Variants in CDKAL1 observed in about 807,000 individuals in gnomAD.
CDKAL1 encodes CDKAL1 threonylcarbamoyladenosine tRNA methylthiotransferase.
CDKAL1 carries 32 observed loss-of-function variants against 68.2 expected under a neutral mutation model. That is an observed-to-expected ratio of 0.47 (90% CI 0.35 to 0.63). CDKAL1 has a LOEUF of 0.63. Ranked by LOEUF, CDKAL1 falls within the 30% of genes least tolerant of loss-of-function variation. CDKAL1 has a pLI of 0.00. For missense variants in CDKAL1, 606 were observed against 696.7 expected (o/e 0.87, Z 1.47); for synonymous variants, 234 against 244.3 (o/e 0.96, Z 0.39).
rs753991642 is a variant in CDKAL1 at position 20,618,685 on chromosome 6, G to GT, written c.287-30598dup. Among the ~76,000 whole-genome samples, 1,433 of 147,214 alleles carry GT rather than the reference G, an allele frequency of 9.7e-3. 28 individuals are homozygous for GT. Among genetic ancestry groups the GT allele is most frequent in the African/African-American group, 0.032 (1,286 of 40,254 alleles). Reference sequence around the variant, plus strand: ...AGTTTTCATTTTATCAATTCTTTTCGTTTTTTTTTTGGATACAGGGTCTTG... The same window carrying GT: ...AGTTTTCATTTTATCAATTCTTTTCGTTTTTTTTTTTGGATACAGGGTCTTG... On this transcript the variant is annotated intron_variant, in intron 4 of 15. Coordinates refer to ENST00000274695, the MANE Select transcript of CDKAL1 (RefSeq NM_017774.3).
intron 5 of CDKAL1, among the ~76,000 whole-genome samples, chr6:20,722,011 G>T (rs192284240): frequency 6.6e-6 from 1 of 151,924 alleles, no homozygotes; most frequent in African/African-American, 2.4e-5. Context: ...GATTACAGGC[G>T]TGAGCCACCG....
chr6:20,586,978 GTTTTTTTTT>G (rs750210435), intron 4 of CDKAL1, among the ~76,000 whole-genome samples: 51 of 44,468 alleles, frequency 1.1e-3, no homozygotes, highest in African/African-American at 4.3e-3. Context: ...TCCTCCAGGT[GTTTTTTTTT>G]TTTTTTTTTT....
intron 10 of CDKAL1, among the ~76,000 whole-genome samples, chr6:20,996,614 A>G (rs1336406767): frequency 6.6e-6 from 1 of 152,236 alleles, no homozygotes; most frequent in Non-Finnish European, 1.5e-5. Flanking sequence ...ACCCCAAAAT[A>G]ATTACAAGAG....
intron 9 of CDKAL1, among the ~76,000 whole-genome samples, chr6:20,848,189 G>A (rs985263602): frequency 1.3e-5 from 2 of 152,186 alleles, no homozygotes; most frequent in African/African-American, 4.8e-5. Flanking sequence ...AGCAATCAGA[G>A]ATACTTTCAA....
At chr6:20,938,904 A>G (rs1763849801) in intron 9 of CDKAL1, among the ~76,000 whole-genome samples, 2 of 152,086 alleles carry the variant, frequency 1.3e-5, no homozygotes, top group East Asian at 3.9e-4. Context: ...TTTCTTTGTA[A>G]GCAAATCTGA....
chr6:20,833,187 C>G (rs772676846), intron 8 of CDKAL1, among the ~76,000 whole-genome samples: 15 of 152,148 alleles, frequency 9.9e-5, no homozygotes, highest in Non-Finnish European at 2.2e-4. Flanking sequence ...TAGCCACGCT[C>G]TATTCTAGAA....
rs969313847 is a variant in CDKAL1 at position 20,796,345 on chromosome 6, G to C, written c.638+15080G>C. On this transcript the variant is annotated intron_variant, in intron 8 of 15. Coordinates refer to ENST00000274695, the MANE Select transcript of CDKAL1 (RefSeq NM_017774.3). ...AATTTACAAAACAGAAGAAATCAAA[G>C]AAGATCTAAATAAATCATGCAATGT... 2.6e-5 allele frequency among the ~76,000 whole-genome samples: 4 copies of C among 151,848 alleles called. 1 individual carries two copies. The highest frequency in any genetic ancestry group is 4.4e-5 in the Non-Finnish European group (3 of 67,784).
chr6:20,634,346 G>A (rs1188453303), intron 4 of CDKAL1, among the ~76,000 whole-genome samples: 2 of 152,076 alleles, frequency 1.3e-5, no homozygotes, highest in Non-Finnish European at 2.9e-5. Flanking sequence ...TCTCAATAAC[G>A]ACTTATTTTC....
chr6:20,965,029 G>A lies in CDKAL1; in HGVS notation c.909+9444G>A, dbSNP rs1218976716. Among the ~76,000 whole-genome samples, 3 of 152,260 alleles carry A rather than the reference G, an allele frequency of 2.0e-5. No individual in the cohort carries two copies. The East Asian group carries it at 5.8e-4, about 29-fold the overall frequency. On this transcript the variant is annotated intron_variant, in intron 10 of 15. Transcript: ENST00000274695. ...ATCCTTTATAAATAAACTGATGTTT[G>A]GCCAGGTGCAGTGCCTCACACCTGT...
At chr6:20,827,824 C>T (rs1455613630) in intron 8 of CDKAL1, among the ~76,000 whole-genome samples, 5 of 151,798 alleles carry the variant, frequency 3.3e-5, no homozygotes, top group African/African-American at 7.3e-5. Flanking sequence ...TTAAGACTGT[C>T]GATATACTTC....
intron 4 of CDKAL1, among the ~76,000 whole-genome samples, chr6:20,645,755 A>AGT (rs1561993214): frequency 5.2e-5 from 7 of 135,872 alleles, no homozygotes; most frequent in African/African-American, 1.8e-4. Context: ...TAAATAAATA[A>AGT]AAATAAATAA....
chr6:20,985,652 G>A (rs1766412291), intron 10 of CDKAL1, among the ~76,000 whole-genome samples: 2 of 152,084 alleles, frequency 1.3e-5, no homozygotes, highest in African/African-American at 4.8e-5. Flanking sequence ...AGGCATGGTG[G>A]CTCACACCTG....
intron 5 of CDKAL1, among the ~76,000 whole-genome samples, chr6:20,672,987 G>C (rs112190195): frequency 0.011 from 1,696 of 152,194 alleles, 27 homozygotes; most frequent in African/African-American, 0.034. Flanking sequence ...ATGTTGGCCA[G>C]GCTGGTCTTG....
chr6:21,162,473 C>G (rs1776967238), intron 13 of CDKAL1, among the ~76,000 whole-genome samples: 1 of 152,290 alleles, frequency 6.6e-6, no homozygotes, highest in South Asian at 2.1e-4. Flanking sequence ...TGGTTTTGCC[C>G]AGAACCAGCT....
chr6:21,226,954 G>A (rs988102619), intron 15 of CDKAL1, among the ~76,000 whole-genome samples: 1 of 152,146 alleles, frequency 6.6e-6, no homozygotes, highest in Admixed American at 6.5e-5. Flanking sequence ...CTCGTGATCC[G>A]CCTCGGCCTC....
At chr6:21,023,464 C>G (rs950676101) in intron 11 of CDKAL1, among the ~76,000 whole-genome samples, 5 of 152,136 alleles carry the variant, frequency 3.3e-5, no homozygotes, top group Admixed American at 3.3e-4. Context: ...TGTGTTCTTT[C>G]TGTAAATTAG....
chr6:20,592,987 G>A (rs1423181427), intron 4 of CDKAL1, among the ~76,000 whole-genome samples: 5 of 152,176 alleles, frequency 3.3e-5, no homozygotes, highest in Non-Finnish European at 7.3e-5. Flanking sequence ...ATTTGCGTAT[G>A]TTGAACCAGC....
chr6:21,197,932 A>G (rs1582400851), intron 13 of CDKAL1, 89 bp from the exon 14 acceptor site: 4 of 722,130 alleles, frequency 5.5e-6, no homozygotes, highest in Non-Finnish European at 9.1e-6. Context: ...CTTGGTCCAG[A>G]CCTACCTGGG....
intron 8 of CDKAL1, among the ~76,000 whole-genome samples, chr6:20,841,811 T>C (rs1241885218): frequency 6.6e-6 from 1 of 152,244 alleles, no homozygotes. Flanking sequence ...ATTAAATACT[T>C]AAGCTCTCTC....
Sources: allele counts gnomAD v4.1 joint callset (sites outside exome capture counted in the v4.1 genomes callset), GRCh38; gene constraint gnomAD v4.1.1; transcripts MANE v1.5; gene names NCBI Gene and HGNC (gene_info 2026-07-23, HGNC 2026-07-21).